The following INPP5A variants were observed in gnomAD, a reference collection of about 807,000 sequenced individuals.
INPP5A encodes inositol polyphosphate-5-phosphatase A.
Under a neutral mutation model 65.2 loss-of-function variants are expected in INPP5A, and 14 were observed. The observed-to-expected ratio is 0.21, with a 90% CI of 0.14 to 0.34. INPP5A has a LOEUF of 0.34. Among genes scored for constraint, INPP5A ranks in the 10% least tolerant of loss-of-function variants. The probability of loss-of-function intolerance (pLI) is 1.00; values close to 1 mark genes in which losing one functional copy is unlikely to be tolerated. For synonymous variants in INPP5A, 207 were observed against 208.3 expected (o/e 0.99, Z 0.05); for missense variants, 431 against 545.6 (o/e 0.79, Z 2.09).
At chr10:132,781,031 G>A in intron 14 of INPP5A, 114 bp downstream of exon 14, 1 of 735,854 alleles carries the variant, frequency 1.4e-6, no homozygotes, top group Admixed American at 2.0e-5. Flanking sequence ...AGGTGGGCGG[G>A]GGTTGGCCAG....
In INPP5A at chr10:132,749,777, C is replaced by T; in HGVS notation, c.835C>T (p.Leu279Phe). 1 of 1,613,096 alleles carries T rather than the reference C, an allele frequency of 6.2e-7. No homozygotes were observed. Among genetic ancestry groups the T allele is most frequent in the Non-Finnish European group, 8.5e-7 (1 of 1,179,928 alleles). ...RESDNDRKVM[L>F]QLEKKLFDYF... Reference sequence around the variant, plus strand: ...GGCCACTCTGACTTCACAGGTTATGCTCCAGTTAGAAAAGAAACTCTTCGA... The same window carrying T: ...GGCCACTCTGACTTCACAGGTTATGTTCCAGTTAGAAAAGAAACTCTTCGA... Residue 279 changes from leucine (L) to phenylalanine (F), a missense_variant, in exon 11 of 16, where the codon CTC (leucine) becomes TTC (phenylalanine). Physicochemically the swap from Leu to Phe is conservative, Grantham distance 22. Transcript: ENST00000368594.
At chr10:132,726,473 C>T (rs1845986673) in intron 8 of INPP5A, among the ~76,000 whole-genome samples, 1 of 152,204 alleles carries the variant, frequency 6.6e-6, no homozygotes, top group Admixed American at 6.5e-5. Context: ...TTGTCCGGCC[C>T]TTTCCCGTTC....
chr10:132,573,066 A>G, intron 1 of INPP5A, among the ~76,000 whole-genome samples: 1 of 117,590 alleles, frequency 8.5e-6, no homozygotes, highest in South Asian at 2.8e-4. Flanking sequence ...TTTTGTTGAG[A>G]TGTTGGGGTG....
At chr10:132,626,866 C>T (rs996475001) in intron 2 of INPP5A, among the ~76,000 whole-genome samples, 1 of 152,158 alleles carries the variant, frequency 6.6e-6, no homozygotes, top group Non-Finnish European at 1.5e-5. Flanking sequence ...CTCGAAGGGT[C>T]GTGTGTTCTG....
At chr10:132,769,984 T>G (rs1846920897) in intron 12 of INPP5A, among the ~76,000 whole-genome samples, 1 of 152,232 alleles carries the variant, frequency 6.6e-6, no homozygotes, top group African/African-American at 2.4e-5. Context: ...ATAAAGAGAT[T>G]TAAGATGGCT....
At chr10:132,669,356 C>T (rs923070119) in intron 4 of INPP5A, among the ~76,000 whole-genome samples, 1 of 152,206 alleles carries the variant, frequency 6.6e-6, no homozygotes, top group Non-Finnish European at 1.5e-5. Context: ...CCCTGTGAGG[C>T]GGGTTCCCTG....
At position 132,644,864 on chromosome 10, in the gene INPP5A, C is replaced by T. The variant is rs1277195068; in HGVS notation, c.118-1004C>T. 6.6e-6 allele frequency among the ~76,000 whole-genome samples: 1 copy of T among 152,178 alleles called. No individual in the cohort carries two copies. Among genetic ancestry groups the T allele is most frequent in the East Asian group, 1.9e-4 (1 of 5,190 alleles). On this transcript the variant is annotated intron_variant, in intron 2 of 15. Coordinates refer to ENST00000368594, the MANE Select transcript of INPP5A (RefSeq NM_005539.5). The surrounding 1 kb of genome is among the most constrained non-coding windows in gnomAD (Gnocchi z 6.5). The stretch of plus-strand genomic sequence containing the variant: ...CATGTGTCCCACCCAGGGTTTCCTG[C>T]CAGGTGAGATGGTTCGTGTCCTGGC...
intron 8 of INPP5A, among the ~76,000 whole-genome samples, chr10:132,724,028 C>T (rs937514430): frequency 4.6e-5 from 7 of 152,198 alleles, no homozygotes; most frequent in Non-Finnish European, 8.8e-5. Context: ...ACAAGACTTT[C>T]GTGGGCTTTG....
chr10:132,768,775 G>A (rs781283644), intron 12 of INPP5A, among the ~76,000 whole-genome samples: 4 of 152,214 alleles, frequency 2.6e-5, no homozygotes, highest in South Asian at 2.1e-4. Context: ...GGTGACTCCC[G>A]GTTTTCAGAA....
At position 132,771,672 on chromosome 10, in the gene INPP5A, A is replaced by G. The variant is rs866143701; in HGVS notation, c.977+5826A>G. On this transcript the variant is annotated intron_variant, in intron 12 of 15. Coordinates refer to ENST00000368594, the MANE Select transcript of INPP5A (RefSeq NM_005539.5). ...GCAGCCGCCCCGCGAAGAGTGGGAC[A>G]GACACTCAGCACTGACACAGAGGCC... Among the ~76,000 whole-genome samples the G allele has an allele frequency of 3.6e-3, 356 of 98,848 alleles. 1 individual carries two copies. Among genetic ancestry groups the G allele is most frequent in the African/African-American group, 9.6e-3 (233 of 24,384 alleles). 64.8% of individuals were successfully genotyped at this position (98,848 alleles called of 152,430 possible).
At chr10:132,681,403 C>T (rs2073042739) in intron 4 of INPP5A, among the ~76,000 whole-genome samples, 1 of 152,232 alleles carries the variant, frequency 6.6e-6, no homozygotes, top group Non-Finnish European at 1.5e-5. Context: ...CCGCGAAGAT[C>T]TGCAGCTTCA....
chr10:132,715,670 T>C (rs1170850129), intron 8 of INPP5A, among the ~76,000 whole-genome samples: 2 of 152,222 alleles, frequency 1.3e-5, no homozygotes, highest in African/African-American at 4.8e-5. Context: ...AAAGAAAAGC[T>C]GCTGCGTCTC....
intron 2 of INPP5A, among the ~76,000 whole-genome samples, chr10:132,642,328 G>C (rs2072436657): frequency 6.6e-6 from 1 of 152,216 alleles, no homozygotes; most frequent in East Asian, 1.9e-4. Context: ...GAGAAGCCCT[G>C]GTGTCCTCGG....
In INPP5A at chr10:132,697,943, GACGTGTTTACTTC is replaced by G; in HGVS notation, c.474+25_474+37del. The G allele has an allele frequency of 6.7e-7, 1 of 1,497,120 alleles. No individual in the cohort carries two copies. Among genetic ancestry groups the G allele is most frequent in the African/African-American group, 1.4e-5 (1 of 72,660 alleles). 92.7% of individuals were successfully genotyped at this position (1,497,120 alleles called of 1,614,324 possible). Reference sequence around the variant, plus strand: ...AGGTACGTAGCGAGGCTTTCTCACTGACGTGTTTACTTCTCAGAGTGAGCCAGTCAGAAGTGAC... The same window carrying G: ...AGGTACGTAGCGAGGCTTTCTCACTGTCAGAGTGAGCCAGTCAGAAGTGAC... On this transcript the variant is annotated intron_variant, in intron 6 of 15. Transcript: ENST00000368594. The surrounding 1 kb of genome is among the most constrained non-coding windows in gnomAD (Gnocchi z 5.6).
chr10:132,767,754 A>T (rs1846874629), intron 12 of INPP5A, among the ~76,000 whole-genome samples: 1 of 149,754 alleles, frequency 6.7e-6, no homozygotes, highest in Non-Finnish European at 1.5e-5. Context: ...CCATGCGCCC[A>T]GTGGCATTCC....
Position 132,563,572 on chromosome 10 carries a change from C to T in INPP5A, c.75+25401C>T, listed in dbSNP as rs144452380. 2.6e-3 allele frequency among the ~76,000 whole-genome samples: 399 copies of T among 152,256 alleles called. 2 individuals carry two copies. In the Middle Eastern group the frequency reaches 0.044, roughly 17 times the overall value. ...GTGTTTGGGAAGATCATCATTACTG[C>T]CTGTTACACTGAATAACTTCAAAAT... On this transcript the variant is annotated intron_variant, in intron 1 of 15. Coordinates refer to ENST00000368594, the MANE Select transcript of INPP5A (RefSeq NM_005539.5).
chr10:132,584,060 G>A (rs1345850063), intron 1 of INPP5A, among the ~76,000 whole-genome samples: 1 of 152,210 alleles, frequency 6.6e-6, no homozygotes, highest in African/African-American at 2.4e-5. Context: ...TCCAGCCTGG[G>A]CTATAGAGCA....
chr10:132,750,250 G>A (rs1181711280), intron 11 of INPP5A, among the ~76,000 whole-genome samples: 2 of 152,372 alleles, frequency 1.3e-5, no homozygotes, highest in African/African-American at 4.8e-5. Flanking sequence ...TAGACTTGCT[G>A]TGTGTGGGTC....
chr10:132,544,458 G>A (rs1454075617), intron 1 of INPP5A, among the ~76,000 whole-genome samples: 1 of 152,028 alleles, frequency 6.6e-6, no homozygotes, highest in Non-Finnish European at 1.5e-5. Flanking sequence ...TTGGGTTGCT[G>A]TCTCTGACCC....
Sources: gnomAD v4.1 joint callset for allele counts (sites outside exome capture counted in the v4.1 genomes callset) on GRCh38, gnomAD v4.1.1 for gene constraint, Gnocchi (gnomAD v3.1) non-coding constraint, MANE v1.5 for transcripts, NCBI Gene and HGNC (gene_info 2026-07-23, HGNC 2026-07-21) for gene names.